Variants in RORA observed in about 807,000 individuals in gnomAD.
RORA encodes the protein RAR related orphan receptor A.
Under a neutral mutation model 69.5 loss-of-function variants are expected in RORA, and 7 were observed. The observed-to-expected ratio is 0.10, with a 90% CI of 0.06 to 0.19. The LOEUF is 0.19. Ranked by LOEUF, RORA falls within the 10% of genes least tolerant of loss-of-function variation. The probability of loss-of-function intolerance (pLI) is 1.00; values close to 1 mark genes in which losing one functional copy is unlikely to be tolerated. For synonymous variants in RORA, 261 were observed against 240.8 expected (o/e 1.08, Z -0.78); for missense variants, 457 against 663.0 (o/e 0.69, Z 3.41).
intron 2 of RORA, among the ~76,000 whole-genome samples, chr15:60,665,932 C>T (rs1401932071): frequency 1.3e-5 from 2 of 152,154 alleles, no homozygotes; most frequent in Admixed American, 1.3e-4. Flanking sequence ...GCCTTGGCCT[C>T]GCCAAGTGCT....
chr15:60,937,933 C>CT (rs1370506989), intron 1 of RORA, among the ~76,000 whole-genome samples: 1 of 152,080 alleles, frequency 6.6e-6, no homozygotes, highest in African/African-American at 2.4e-5. Flanking sequence ...TATTTCTTTT[C>CT]TTTTTTTGCT....
intron 1 of RORA, among the ~76,000 whole-genome samples, chr15:60,789,248 A>G (rs1293551889): frequency 6.6e-6 from 1 of 152,246 alleles, no homozygotes; most frequent in African/African-American, 2.4e-5. Flanking sequence ...CCCACAGTCC[A>G]TACTGCTCCC....
chr15:61,132,236 C>T (rs1406951617), intron 1 of RORA, among the ~76,000 whole-genome samples: 1 of 151,978 alleles, frequency 6.6e-6, no homozygotes, highest in Non-Finnish European at 1.5e-5. Flanking sequence ...AGTTTAACCA[C>T]ATTAAATGCT....
At chr15:60,742,319 T>C (rs2071585180) in intron 1 of RORA, among the ~76,000 whole-genome samples, 1 of 152,206 alleles carries the variant, frequency 6.6e-6, no homozygotes, top group African/African-American at 2.4e-5. Context: ...TTCAGAAGAA[T>C]GTGAAAATCA....
intron 3 of RORA, among the ~76,000 whole-genome samples, chr15:60,520,981 C>T (rs1469911481): frequency 2.0e-5 from 3 of 152,094 alleles, no homozygotes; most frequent in Admixed American, 6.5e-5. Flanking sequence ...CAGCAGATTA[C>T]CATGCAGCTA....
intron 1 of RORA, among the ~76,000 whole-genome samples, chr15:61,135,669 C>T (rs2079232248): frequency 6.6e-6 from 1 of 151,430 alleles, no homozygotes; most frequent in Non-Finnish European, 1.5e-5. Context: ...CCCTGCAGAG[C>T]TGCTTTTGCC....
intron 1 of RORA, among the ~76,000 whole-genome samples, chr15:60,772,668 C>G (rs1172333788): frequency 6.6e-6 from 1 of 152,174 alleles, no homozygotes; most frequent in Non-Finnish European, 1.5e-5. Context: ...CTTTTTGCTC[C>G]TGTTGCTCTA....
chr15:60,970,484 C>T (rs1225195787), intron 1 of RORA, among the ~76,000 whole-genome samples: 9 of 152,172 alleles, frequency 5.9e-5, no homozygotes, highest in African/African-American at 9.7e-5. Context: ...AACAAGACCT[C>T]GTTTCAAGTC....
chr15:61,020,066 A>G (rs1895452465), intron 1 of RORA, among the ~76,000 whole-genome samples: 1 of 152,180 alleles, frequency 6.6e-6, no homozygotes, highest in African/African-American at 2.4e-5. Context: ...GGACATCATC[A>G]CAGAACGTCC....
chr15:60,822,244 A>G (rs566891010), intron 1 of RORA, among the ~76,000 whole-genome samples: 1 of 152,180 alleles, frequency 6.6e-6, no homozygotes, highest in Non-Finnish European at 1.5e-5. Context: ...CAAGAGCCTC[A>G]TTTTGCAAAG....
At chr15:60,646,341 C>T (rs1464502892) in intron 2 of RORA, among the ~76,000 whole-genome samples, 1 of 152,160 alleles carries the variant, frequency 6.6e-6, no homozygotes, top group Non-Finnish European at 1.5e-5. Flanking sequence ...CCCTGATTCC[C>T]CAGGGAGGGT....
Position 60,751,554 on chromosome 15 carries a change from G to A in RORA, c.167-72868C>T, listed in dbSNP as rs186255948. ...ATCCCACTTTACAAATGATGTTGAG[G>A]TGTAAAGAGATAAGTACCTTGACCA... On this transcript the variant is annotated intron_variant, in intron 1 of 10. Transcript: ENST00000335670. Among the ~76,000 whole-genome samples the A allele has an allele frequency of 1.0e-3, 158 of 152,262 alleles. 1 individual carries two copies. The highest frequency in any genetic ancestry group is 1.0e-3 in the Non-Finnish European group (71 of 68,014).
chr15:60,856,621 C>T (rs2073383563), intron 1 of RORA, among the ~76,000 whole-genome samples: 1 of 151,828 alleles, frequency 6.6e-6, no homozygotes, highest in South Asian at 2.1e-4. Context: ...CATTTTACAT[C>T]ATGCTTGAAT....
chr15:60,800,014 T>C lies in RORA; in HGVS notation c.167-121328A>G, dbSNP rs568710481. On this transcript the variant is annotated intron_variant, in intron 1 of 10. Coordinates refer to ENST00000335670, the MANE Select transcript of RORA (RefSeq NM_134261.3). ...CAGCCAGGGCTGTGTTATTCACTTG[T>C]CTATCTCCTGGGCCTGCAGCCATGT... 7.2e-5 allele frequency among the ~76,000 whole-genome samples: 11 copies of C among 152,338 alleles called. No homozygotes were observed. In the East Asian group the frequency reaches 2.1e-3, roughly 29 times the overall value.
At chr15:60,921,821 A>G (rs1892057044) in intron 1 of RORA, among the ~76,000 whole-genome samples, 1 of 152,212 alleles carries the variant, frequency 6.6e-6, no homozygotes, top group South Asian at 2.1e-4. Context: ...GTGAGGATCT[A>G]ATAAGAAGCT....
chr15:60,595,891 T>G (rs1054908821), intron 2 of RORA, among the ~76,000 whole-genome samples: 1 of 152,090 alleles, frequency 6.6e-6, no homozygotes, highest in Non-Finnish European at 1.5e-5. Flanking sequence ...CAGCCCCACG[T>G]GGTGTTCCTG....
chr15:60,550,412 ATATT>A (rs1324366367), intron 2 of RORA, among the ~76,000 whole-genome samples: 2 of 152,378 alleles, frequency 1.3e-5, no homozygotes, highest in East Asian at 3.9e-4. Context: ...TCAAAAAATA[ATATT>A]TAAAGCCATA....
chr15:60,632,726 T>C (rs1359393938), intron 2 of RORA, among the ~76,000 whole-genome samples: 1 of 152,174 alleles, frequency 6.6e-6, no homozygotes, highest in East Asian at 1.9e-4. Context: ...TATCATTAGC[T>C]GAGGCACAAG....
intron 2 of RORA, among the ~76,000 whole-genome samples, chr15:60,587,596 AAG>A (rs778274797): frequency 6.6e-6 from 1 of 152,220 alleles, no homozygotes; most frequent in Non-Finnish European, 1.5e-5. Context: ...TAAATGATGT[AAG>A]AGTGTTTGTA....
Sources: allele counts gnomAD v4.1 joint callset (sites outside exome capture counted in the v4.1 genomes callset), GRCh38; gene constraint gnomAD v4.1.1; transcripts MANE v1.5; gene names NCBI Gene and HGNC (gene_info 2026-07-23, HGNC 2026-07-21).